The following GLIS3 variants were observed in gnomAD, a reference collection of about 807,000 sequenced individuals.
GLIS3 encodes the protein zinc finger protein GLIS3.
A neutral mutation model predicts 78.6 loss-of-function variants in GLIS3; 53 were observed. The ratio of observed to expected loss-of-function variants is 0.67; its 90% CI spans 0.54 to 0.85. The LOEUF (loss-of-function observed/expected upper bound fraction) is 0.85. Ranked by LOEUF, GLIS3 falls within the 40% of genes least tolerant of loss-of-function variation. GLIS3 has a pLI of 0.00. For synonymous variants in GLIS3, 684 were observed against 509.9 expected (o/e 1.34, Z -4.60); for missense variants, 1,703 against 1,231.1 (o/e 1.38, Z -5.74).
chr9:3,861,184 T>C (rs761073551), intron 8 of GLIS3, among the ~76,000 whole-genome samples: 1 of 152,210 alleles, frequency 6.6e-6, no homozygotes, highest in Non-Finnish European at 1.5e-5. Context: ...TGTAAGACTG[T>C]GGTCCCAGCA....
chr9:4,117,610 G>T (rs1831761005), intron 4 of GLIS3, among the ~76,000 whole-genome samples, 158 bp downstream of exon 4: 2 of 152,104 alleles, frequency 1.3e-5, no homozygotes. Context: ...AACCATGAAA[G>T]AAATCTTCCC....
At chr9:4,334,454 G>A (rs569326497) in intron 2 of GLIS3, among the ~76,000 whole-genome samples, 1 of 152,314 alleles carries the variant, frequency 6.6e-6, no homozygotes, top group African/African-American at 2.4e-5. Flanking sequence ...CACCCTTCCT[G>A]AAACAATTGT....
intron 5 of GLIS3, among the ~76,000 whole-genome samples, chr9:3,934,597 T>C (rs952110800): frequency 2.0e-5 from 3 of 152,166 alleles, no homozygotes; most frequent in South Asian, 2.1e-4. Context: ...TTAGTAGAGA[T>C]GGCGTTTCGC....
chr9:4,423,785 C>G, the GLIS3 span, among the ~76,000 whole-genome samples: 3 of 152,106 alleles, frequency 2.0e-5, no homozygotes, highest in South Asian at 4.1e-4. Context: ...ATTTCTAGAC[C>G]TTCGGCTACC....
At chr9:4,370,183 CAA>C in the GLIS3 span, among the ~76,000 whole-genome samples, 984 of 88,350 alleles carry the variant, frequency 0.011, 1 homozygote, top group Non-Finnish European at 0.014. Context: ...GACTCCATCT[CAA>C]AAAAAAAAAA....
intron 2 of GLIS3, among the ~76,000 whole-genome samples, chr9:4,151,475 C>G (rs1834673710): frequency 6.6e-6 from 1 of 152,174 alleles, no homozygotes; most frequent in Non-Finnish European, 1.5e-5. Context: ...AAGCACCTTG[C>G]TTAGAAAGGG....
At chr9:4,111,318 C>G (rs73392599) in intron 4 of GLIS3, among the ~76,000 whole-genome samples, 3,870 of 152,226 alleles carry the variant, frequency 0.025, 184 homozygotes, top group African/African-American at 0.089. Context: ...TAGGGTTGCT[C>G]TCATTATCTA....
the GLIS3 span, among the ~76,000 whole-genome samples, chr9:4,436,530 G>T: frequency 6.6e-6 from 1 of 152,024 alleles, no homozygotes; most frequent in Admixed American, 6.6e-5. Flanking sequence ...CAAGGACTGG[G>T]CTGGGTGGCT....
At chr9:4,198,592 AT>A (rs1819077329) in intron 2 of GLIS3, among the ~76,000 whole-genome samples, 1 of 152,234 alleles carries the variant, frequency 6.6e-6, no homozygotes, top group East Asian at 1.9e-4. Flanking sequence ...AATTACTGGC[AT>A]TCCTGAGAGA....
At chr9:4,470,952 A>ACAC in the GLIS3 span, among the ~76,000 whole-genome samples, 1 of 151,968 alleles carries the variant, frequency 6.6e-6, no homozygotes, top group East Asian at 1.9e-4. Context: ...GCATTCTTAT[A>ACAC]CACCAATAAC....
intron 4 of GLIS3, among the ~76,000 whole-genome samples, chr9:3,989,548 T>C (rs1820048978): frequency 6.6e-6 from 1 of 152,224 alleles, no homozygotes; most frequent in Non-Finnish European, 1.5e-5. Context: ...GGAATATTAC[T>C]CAGCAATAAA....
chr9:4,208,544 T>A (rs1450571889), intron 2 of GLIS3, among the ~76,000 whole-genome samples: 1 of 152,202 alleles, frequency 6.6e-6, no homozygotes, highest in Non-Finnish European at 1.5e-5. Context: ...TGGGCAGGAT[T>A]GGAAGAGCCA....
At chr9:4,021,572 T>A (rs550727392) in intron 4 of GLIS3, among the ~76,000 whole-genome samples, 9 of 152,266 alleles carry the variant, frequency 5.9e-5, no homozygotes, top group South Asian at 2.1e-4. Context: ...AATATAAGCA[T>A]CCATTGTACA....
intron 6 of GLIS3, among the ~76,000 whole-genome samples, chr9:3,902,881 G>T (rs1053781622): frequency 6.6e-6 from 1 of 152,108 alleles, no homozygotes; most frequent in Non-Finnish European, 1.5e-5. Flanking sequence ...CAACTGTGAC[G>T]AATAAAGATC....
chr9:4,325,437 A>G (rs904806780), intron 2 of GLIS3, among the ~76,000 whole-genome samples: 19 of 152,280 alleles, frequency 1.2e-4, no homozygotes, highest in Non-Finnish European at 2.8e-4. Context: ...TCTTTAAATC[A>G]GCATTTGTGA....
At chr9:4,081,602 T>C (rs1010774786) in intron 4 of GLIS3, among the ~76,000 whole-genome samples, 3 of 152,172 alleles carry the variant, frequency 2.0e-5, no homozygotes, top group Non-Finnish European at 4.4e-5. Context: ...TCCCAACTAG[T>C]TGGAAATATA....
intron 4 of GLIS3, among the ~76,000 whole-genome samples, chr9:3,945,335 C>G (rs1033423247): frequency 6.6e-6 from 1 of 152,132 alleles, no homozygotes; most frequent in African/African-American, 2.4e-5. Context: ...TTTTACTACT[C>G]TATATTAAAG....
the GLIS3 span, among the ~76,000 whole-genome samples, chr9:4,384,562 C>T: frequency 6.8e-6 from 1 of 148,030 alleles, no homozygotes; most frequent in South Asian, 2.1e-4. Context: ...TATATAAAAC[C>T]TCTTTCCTTT....
the GLIS3 span, among the ~76,000 whole-genome samples, chr9:4,461,210 T>C: frequency 6.6e-6 from 1 of 152,222 alleles, no homozygotes; most frequent in Non-Finnish European, 1.5e-5. Context: ...TTGTATCAGG[T>C]GGGACTACAT....
Sources: allele counts gnomAD v4.1 joint callset (sites outside exome capture counted in the v4.1 genomes callset), GRCh38; gene constraint gnomAD v4.1.1; transcripts MANE v1.5; gene names NCBI Gene and HGNC (gene_info 2026-07-23, HGNC 2026-07-21).